The following SYNE1 variants were observed in gnomAD, a reference collection of about 807,000 sequenced individuals.
SYNE1 encodes nesprin-1.
A neutral mutation model predicts 1,111.0 loss-of-function variants in SYNE1; 616 were observed. The ratio of observed to expected loss-of-function variants is 0.55; its 90% CI spans 0.52 to 0.59. The LOEUF (loss-of-function observed/expected upper bound fraction) is 0.59, where lower values mean the gene tolerates loss of function less well. SYNE1 is among the 20% of genes least tolerant of loss of function. The probability of loss-of-function intolerance (pLI) is 0.00; values close to 1 mark genes in which losing one functional copy is unlikely to be tolerated. For synonymous variants in SYNE1, 3,855 were observed against 3,825.8 expected (o/e 1.01, Z -0.28); for missense variants, 10,006 against 10,417.0 (o/e 0.96, Z 1.72).
intron 11 of SYNE1, among the ~76,000 whole-genome samples, chr6:152,489,577 T>C (rs930728243): frequency 6.6e-6 from 1 of 151,842 alleles, no homozygotes; most frequent in African/African-American, 2.4e-5. Flanking sequence ...GTAATCTATG[T>C]AGCATGTCCA....
At position 152,347,204 on chromosome 6, in the gene SYNE1, T is replaced by A. The variant is rs1457708490; in HGVS notation, c.11933A>T (p.Asp3978Val). Residue 3978 changes from aspartate to valine, a missense_variant, in exon 73 of 146, where the codon GAC becomes GTC. Physicochemically the swap from Asp to Val is radical, Grantham distance 152. Coordinates refer to ENST00000367255, the MANE Select transcript of SYNE1 (RefSeq NM_182961.4). ...TTTCATTTGAAGATTGTTCAAACGG[T>A]CTTCAAAACCAGCAATTTCTTCCAT... is the stretch of plus-strand genomic sequence containing the variant. ...AMMEEIAGFE[D>V]RLNNLQMKGD... 6.2e-7 allele frequency: 1 copy of A among 1,614,196 alleles called. No individual in the cohort carries two copies. Among genetic ancestry groups the A allele is most frequent in the Non-Finnish European group, 8.5e-7 (1 of 1,180,030 alleles).
At position 152,463,483 on chromosome 6, in the gene SYNE1, T is replaced by C; in HGVS notation, c.1967A>G (p.Gln656Arg). ...GCCAGCATCGTTCATGGCAGTATGC[T>C]GCTGAATCCAATGAGGTAAATTTCG... ...FFRNLPHWIQQHTAMNDAGNF... is the reference protein window; with the variant it reads ...FFRNLPHWIQRHTAMNDAGNF... Residue 656 changes from glutamine to arginine, a missense_variant, in exon 19 of 146, where the codon CAG becomes CGG. Physicochemically the swap from Gln to Arg is conservative, Grantham distance 43. Transcript: ENST00000367255. The C allele has an allele frequency of 6.2e-7, 1 of 1,613,648 alleles. No individual in the cohort carries two copies. The highest frequency in any genetic ancestry group is 8.5e-7 in the Non-Finnish European group (1 of 1,179,706).
At chr6:152,596,615 T>C (rs2099582684) in intron 3 of SYNE1, among the ~76,000 whole-genome samples, 1 of 152,198 alleles carries the variant, frequency 6.6e-6, no homozygotes, top group Non-Finnish European at 1.5e-5. Flanking sequence ...AGCTTTCCAC[T>C]ATGCATGGTG....
chr6:152,261,007 C>T (rs1188132148), intron 101 of SYNE1, among the ~76,000 whole-genome samples: 1 of 152,140 alleles, frequency 6.6e-6, no homozygotes, highest in East Asian at 1.9e-4. Context: ...CCATTTAACT[C>T]TGGCAGGTTG....
intron 14 of SYNE1, among the ~76,000 whole-genome samples, chr6:152,480,273 C>A (rs1402684174): frequency 6.6e-6 from 1 of 152,170 alleles, no homozygotes; most frequent in South Asian, 2.1e-4. Context: ...GTCATCCCAG[C>A]GCTTTGGGAG....
rs144514822 is a variant in SYNE1, at chr6:152,531,985, C to A, written c.130-5810G>T. On this transcript the variant is annotated intron_variant, in intron 4 of 145. Coordinates refer to ENST00000367255, the MANE Select transcript of SYNE1 (RefSeq NM_182961.4). ...TGAGTGTATTAATATCTCCTGAAGA[C>A]CCTGCTTTCAATTTTTGTAGATATA... 5.5e-3 allele frequency among the ~76,000 whole-genome samples: 838 copies of A among 152,260 alleles called. 10 individuals carry two copies. The highest frequency in any genetic ancestry group is 0.019 in the African/African-American group (782 of 41,534).
chr6:152,357,865 G>A (rs1415063021), intron 66 of SYNE1, among the ~76,000 whole-genome samples: 3 of 152,076 alleles, frequency 2.0e-5, no homozygotes, highest in South Asian at 2.1e-4. Flanking sequence ...ATTATGGCCC[G>A]CTGGCCTGGG....
In SYNE1 at chr6:152,256,754, C is replaced by T. The variant is rs767586840; in HGVS notation, c.18984G>A (p.Arg6328=). ...GCACACCAGACAAGAGTCGATTTGG[C>T]CTGCTATAAAGCTGTAGGCAAACAA... ...EQEQEQVLYS[R]PNRLLSGVPL... Residue 6328 remains arginine, a synonymous_variant, in exon 102 of 146, where the codon AGG becomes AGA. Transcript: ENST00000367255. The T allele has an allele frequency of 4.5e-5, 72 of 1,613,530 alleles. No individual in the cohort carries two copies. The highest frequency in any genetic ancestry group is 5.9e-5 in the Non-Finnish European group (70 of 1,179,742).
At position 152,148,398 on chromosome 6, in the gene SYNE1, A is replaced by C. The variant is rs750715116; in HGVS notation, c.24643-20T>G. 2.5e-6 allele frequency: 4 copies of C among 1,609,700 alleles called. No homozygotes were observed. Among genetic ancestry groups the C allele is most frequent in the Non-Finnish European group, 3.4e-6 (4 of 1,178,316 alleles). ...TGGGAGCTAGAAGGGAAGTCAAGGC[A>C]ACCCTGTCACTGTAGTGGTCAGACT... On this transcript the variant is annotated intron_variant, in intron 136 of 145. Coordinates refer to ENST00000367255, the MANE Select transcript of SYNE1 (RefSeq NM_182961.4). The surrounding 1 kb of genome is among the most constrained non-coding windows in gnomAD (Gnocchi z 4.1).
Position 152,367,308 on chromosome 6 carries a change from G to T in SYNE1, c.9882C>A (p.Asp3294Glu). Reference sequence around the variant, plus strand: ...GCATGTGAATCGCATCCGTCATCCAGTCTTGTAATTCTTTAATCCCAAGAG... The same window carrying T: ...GCATGTGAATCGCATCCGTCATCCATTCTTGTAATTCTTTAATCCCAAGAG... ...QFSLGIKELQ[D>E]WMTDAIHMLD... is the part of the protein sequence containing the mutation. Residue 3294 changes from aspartate (D) to glutamate (E), a missense_variant, in exon 62 of 146, where the codon GAC becomes GAA. Transcript: ENST00000367255. 1.2e-6 allele frequency: 2 copies of T among 1,614,206 alleles called. No individual in the cohort carries two copies. The highest frequency in any genetic ancestry group is 1.7e-6 in the Non-Finnish European group (2 of 1,180,008).
intron 113 of SYNE1, among the ~76,000 whole-genome samples, 182 bp from the exon 114 acceptor site, chr6:152,231,749 C>T (rs537565122): frequency 4.7e-5 from 7 of 150,250 alleles, no homozygotes; most frequent in South Asian, 2.1e-4. Context: ...TATTTGTATA[C>T]GTTTATATGA....
rs558841721 is a variant in SYNE1, at chr6:152,264,832, A to C, written c.18816-2644T>G. Among the ~76,000 whole-genome samples, 3 of 152,154 alleles carry C rather than the reference A, an allele frequency of 2.0e-5. No homozygotes were observed. In the East Asian group the frequency reaches 5.8e-4, roughly 29 times the overall value. ...ATAAAACTCTTAAAATGTGTGATGC[A>C]GGGATTCCACTCCTAGGATATAATG... On this transcript the variant is annotated intron_variant, in intron 100 of 145. Transcript: ENST00000367255.
At chr6:152,497,149 T>C (rs1279373215) in intron 11 of SYNE1, among the ~76,000 whole-genome samples, 3 of 152,238 alleles carry the variant, frequency 2.0e-5, no homozygotes, top group Non-Finnish European at 4.4e-5. Flanking sequence ...TGGTGGGCTC[T>C]TCACATGGAC....
chr6:152,384,231 TGGCATTG>T (rs2097482777), intron 55 of SYNE1, among the ~76,000 whole-genome samples: 1 of 152,216 alleles, frequency 6.6e-6, no homozygotes, highest in African/African-American at 2.4e-5. Flanking sequence ...AAGGAGGATG[TGGCATTG>T]GGTTTCTTTG....
intron 74 of SYNE1, among the ~76,000 whole-genome samples, chr6:152,340,309 C>T (rs1397624503): frequency 3.3e-5 from 5 of 152,056 alleles, no homozygotes; most frequent in East Asian, 1.9e-4. Context: ...GGAGGGTGGG[C>T]GGGGGCAAGT....
intron 121 of SYNE1, among the ~76,000 whole-genome samples, chr6:152,215,510 A>G (rs1280966487): frequency 2.0e-5 from 3 of 152,198 alleles, no homozygotes; most frequent in Admixed American, 2.0e-4. Context: ...ATTTACTCAT[A>G]GGCAATTCTT....
chr6:152,390,229 T>C (rs1436505798), intron 53 of SYNE1, 51 bp downstream of exon 53: 3 of 1,600,002 alleles, frequency 1.9e-6, no homozygotes, highest in Non-Finnish European at 2.6e-6. Flanking sequence ...TCCATCATTT[T>C]ACTAAGTCAC....
At chr6:152,453,311 A>G (rs2154253786) in intron 25 of SYNE1, 1 of 596,144 alleles carries the variant, frequency 1.7e-6, no homozygotes, top group Non-Finnish European at 2.9e-6. Context: ...AATAAGTTAA[A>G]TGTTCTTGCA....
intron 32 of SYNE1, among the ~76,000 whole-genome samples, chr6:152,438,547 T>C (rs2098497986): frequency 6.6e-6 from 1 of 152,194 alleles, no homozygotes; most frequent in Admixed American, 6.5e-5. Context: ...CAGGTAAAAA[T>C]TGACTCACAT....
Sources: gnomAD v4.1 joint callset for allele counts (sites outside exome capture counted in the v4.1 genomes callset) on GRCh38, gnomAD v4.1.1 for gene constraint, Gnocchi (gnomAD v3.1) non-coding constraint, MANE v1.5 for transcripts, NCBI Gene and HGNC (gene_info 2026-07-23, HGNC 2026-07-21) for gene names.